The following TGFBR3 variants were observed in gnomAD, a reference collection of about 807,000 sequenced individuals.
TGFBR3 encodes the protein transforming growth factor beta receptor type 3.
In TGFBR3, 46 loss-of-function variants were observed where a neutral mutation model predicts 87.9. That is an observed-to-expected ratio of 0.52 (90% CI 0.41 to 0.67). The LOEUF is 0.67. TGFBR3 is among the 30% of genes least tolerant of loss of function. The pLI, the probability that TGFBR3 is intolerant of heterozygous loss-of-function variation, is 0.00. For synonymous variants in TGFBR3, 381 were observed against 391.6 expected, an observed-to-expected ratio of 0.97 and a Z score of 0.32; for missense variants, 866 against 1,041.9, an observed-to-expected ratio of 0.83 and a Z score of 2.32.
upstream of TGFBR3, among the ~76,000 whole-genome samples, chr1:91,890,889 G>A (rs963766394): frequency 2.7e-5 from 4 of 146,936 alleles, no homozygotes; most frequent in Non-Finnish European, 6.0e-5. Flanking sequence ...CATAAAAAGA[G>A]AGTCTCATAT....
intron 2 of TGFBR3, among the ~76,000 whole-genome samples, chr1:91,815,576 A>G (rs571057903): frequency 1.6e-4 from 25 of 152,300 alleles, no homozygotes; most frequent in African/African-American, 6.0e-4. Context: ...AGGAAAGAAC[A>G]CTACATTTGG....
Position 91,795,982 on chromosome 1 carries a change from C to T in TGFBR3, c.246+1305G>A, listed in dbSNP as rs562304250. On this transcript the variant is annotated intron_variant, in intron 3 of 16. Transcript: ENST00000212355. ...CGTGCTTCTCCTCTTCCTACCACCCCAAAAGGATGGGGTGGCTGAGGCACA... is the reference window on the plus strand; with the variant it reads ...CGTGCTTCTCCTCTTCCTACCACCCTAAAAGGATGGGGTGGCTGAGGCACA... 5.3e-5 allele frequency among the ~76,000 whole-genome samples: 8 copies of T among 152,254 alleles called. 1 individual carries two copies. The highest frequency in any genetic ancestry group is 1.7e-4 in the African/African-American group (7 of 41,546).
At chr1:91,720,684 C>A (rs7538756) in intron 8 of TGFBR3, among the ~76,000 whole-genome samples, 2 of 152,042 alleles carry the variant, frequency 1.3e-5, no homozygotes, top group African/African-American at 4.8e-5. Context: ...ACCAATGGAA[C>A]AGACAGTTTC....
At chr1:91,900,028 T>C (rs1359192460) in intron 1 of TGFBR3, among the ~76,000 whole-genome samples, 4 of 152,148 alleles carry the variant, frequency 2.6e-5, no homozygotes, top group African/African-American at 9.7e-5. Flanking sequence ...ATTTTGTGCA[T>C]AGATATTTGG....
chr1:91,694,773 T>TTTA (rs1476131596), intron 16 of TGFBR3, among the ~76,000 whole-genome samples: 1 of 152,128 alleles, frequency 6.6e-6, no homozygotes, highest in Non-Finnish European at 1.5e-5. Flanking sequence ...TCTAGCACAG[T>TTTA]TTATCTAGGT....
chr1:91,900,329 G>A (rs2101348664), intron 1 of TGFBR3, among the ~76,000 whole-genome samples: 1 of 152,182 alleles, frequency 6.6e-6, no homozygotes, highest in East Asian at 1.9e-4. Context: ...GGCCAGGCTT[G>A]TCTCAAACTC....
chr1:91,753,461 C>T (rs1303799619), intron 4 of TGFBR3, among the ~76,000 whole-genome samples: 3 of 147,490 alleles, frequency 2.0e-5, no homozygotes, highest in Non-Finnish European at 4.5e-5. Context: ...ATACAGTCCA[C>T]ATACCATAAT....
In TGFBR3 at chr1:91,797,403, CCATCAAGGCCTGGACAGGATGGGAGG is replaced by C; in HGVS notation, c.104_129del (p.Ala35GlyfsTer88). On this transcript the variant is annotated frameshift_variant, in exon 3 of 17. Coordinates refer to ENST00000212355, the MANE Select transcript of TGFBR3 (RefSeq NM_003243.5). LOFTEE classifies it high-confidence loss of function. ...CAGCCTGACAAAACAGTGAAGCTCTCCATCAAGGCCTGGACAGGATGGGAGGCACTGACAGGTGACAGTTCACACAG... is the reference window on the plus strand; with the variant it reads ...CAGCCTGACAAAACAGTGAAGCTCTCCACTGACAGGTGACAGTTCACACAG... The C allele has an allele frequency of 6.2e-7, 1 of 1,614,224 alleles. No individual in the cohort carries two copies. The highest frequency in any genetic ancestry group is 1.1e-5 in the South Asian group (1 of 91,086).
At chr1:91,904,428 G>C (rs1217939227) in intron 1 of TGFBR3, among the ~76,000 whole-genome samples, 1 of 136,154 alleles carries the variant, frequency 7.3e-6, no homozygotes. Context: ...TTTTTTTCTT[G>C]CTCTGTCGCC....
intron 3 of TGFBR3, among the ~76,000 whole-genome samples, chr1:91,796,386 G>T (rs1322345870): frequency 6.6e-6 from 1 of 152,200 alleles, no homozygotes. Context: ...CTGTATGAGT[G>T]CTTCGAACAG....
At chr1:91,831,262 C>T (rs1040334720) in intron 2 of TGFBR3, among the ~76,000 whole-genome samples, 3 of 152,162 alleles carry the variant, frequency 2.0e-5, no homozygotes, top group African/African-American at 4.8e-5. Context: ...AGGTCCTCTT[C>T]GCTCTTGCAA....
chr1:91,786,366 C>A, intron 3 of TGFBR3: 1 of 393,648 alleles, frequency 2.5e-6, no homozygotes, highest in South Asian at 1.9e-5. Flanking sequence ...TAAGGAGGCT[C>A]CAGGGTAAGT....
chr1:91,850,508 T>A (rs534893633), intron 2 of TGFBR3, among the ~76,000 whole-genome samples: 38 of 151,950 alleles, frequency 2.5e-4, no homozygotes, highest in Non-Finnish European at 3.5e-4. Context: ...AGGCCAGGCG[T>A]GGTGGCTCAC....
intron 2 of TGFBR3, among the ~76,000 whole-genome samples, chr1:91,852,326 G>A (rs937843511): frequency 6.6e-6 from 1 of 152,138 alleles, no homozygotes; most frequent in Non-Finnish European, 1.5e-5. Flanking sequence ...ACAGGGCAAG[G>A]GAATCTTTGA....
chr1:91,838,531 G>T (rs796945934), intron 2 of TGFBR3, among the ~76,000 whole-genome samples: 1 of 149,034 alleles, frequency 6.7e-6, no homozygotes, highest in East Asian at 2.0e-4. Context: ...CAAACTCGGC[G>T]CACTGCAAGC....
At chr1:91,716,090 C>T (rs1439478381) in intron 12 of TGFBR3, 146 bp downstream of exon 12, 8 of 921,150 alleles carry the variant, frequency 8.7e-6, no homozygotes, top group South Asian at 1.5e-5. Flanking sequence ...AGTCTGGAAG[C>T]GTTCTCTGAG....
chr1:91,820,617 C>T (rs989571808), intron 2 of TGFBR3, among the ~76,000 whole-genome samples: 1 of 152,070 alleles, frequency 6.6e-6, no homozygotes, highest in Non-Finnish European at 1.5e-5. Context: ...ACCCAGGAGG[C>T]GGAGCTTGCA....
intron 1 of TGFBR3, among the ~76,000 whole-genome samples, chr1:91,882,483 G>A (rs767945271): frequency 1.3e-5 from 2 of 151,572 alleles, no homozygotes; most frequent in South Asian, 2.1e-4. Flanking sequence ...CGTGGCTCAC[G>A]CCTGTAATCC....
intron 2 of TGFBR3, among the ~76,000 whole-genome samples, chr1:91,816,824 A>G (rs373033145): frequency 6.6e-6 from 1 of 152,234 alleles, no homozygotes; most frequent in Non-Finnish European, 1.5e-5. Context: ...AGCAGAATAC[A>G]AAGTACTTAC....
Sources: allele counts gnomAD v4.1 joint callset (sites outside exome capture counted in the v4.1 genomes callset), GRCh38; gene constraint gnomAD v4.1.1; transcripts MANE v1.5; gene names NCBI Gene and HGNC (gene_info 2026-07-23, HGNC 2026-07-21).